OR2A12: variants seen among roughly 807,000 people sequenced by gnomAD.
The protein encoded by OR2A12 is olfactory receptor family 2 subfamily A member 12, also known as olfactory receptor 2A12.
For missense variants in OR2A12, 380 were observed against 372.5 expected, an observed-to-expected ratio of 1.02 and a Z score of -0.17; for synonymous variants, 153 against 149.3, an observed-to-expected ratio of 1.02 and a Z score of -0.18.
rs201053145 is a variant in OR2A12 at position 144,095,101 on chromosome 7, C to T, written c.-7C>T. The stretch of plus-strand genomic sequence containing the variant: ...AGTACATCACAAGATTTTTCTGTCA[C>T]GAGAACATGGAAAGCAATCAGACCT... On this transcript the variant is annotated 5_prime_UTR_variant, in exon 2 of 2. In the 5' UTR this introduces an upstream ATG that the reference lacks. Transcript: ENST00000641592. 4.7e-4 allele frequency: 740 copies of T among 1,575,324 alleles called. No homozygotes were observed. The highest frequency in any genetic ancestry group is 6.2e-4 in the Admixed American group (33 of 53,500).
chr7:144,088,900 G>T (rs573819458), intron 1 of OR2A12, among the ~76,000 whole-genome samples: 13 of 151,808 alleles, frequency 8.6e-5, no homozygotes, highest in African/African-American at 3.1e-4. Context: ...CTTCTTCTTC[G>T]AAGAACACCA....
chr7:144,095,185 C>A lies in OR2A12; in HGVS notation c.78C>A (p.Leu26=). Residue 26 remains leucine, a synonymous_variant, in exon 2 of 2, where the codon CTC becomes CTA. Coordinates refer to ENST00000641592, the MANE Select transcript of OR2A12 (RefSeq NM_001004135.2). The part of the protein sequence containing the change: ...FQVDPALELF[L]FGFFLLFYSL... The stretch of plus-strand genomic sequence containing the variant: ...TGGACCCAGCTCTGGAGTTGTTCCT[C>A]TTTGGGTTTTTCTTGCTATTCTACA... 2 of 1,613,910 alleles carry A rather than the reference C, an allele frequency of 1.2e-6. No individual in the cohort carries two copies. The highest frequency in any genetic ancestry group is 4.5e-5 in the East Asian group (2 of 44,882).
At position 144,094,356 on chromosome 7, in the gene OR2A12, G is replaced by GC. The variant is rs2051247116; in HGVS notation, c.-51-701_-51-700insC. On this transcript the variant is annotated intron_variant, in intron 1 of 1. Transcript: ENST00000641592. ...CACTTTATCCAGCAAGCCAATAGTTGTTTTAAAACTTCTTTCATGGCCCCA... is the reference window on the plus strand; with the variant it reads ...CACTTTATCCAGCAAGCCAATAGTTGCTTTTAAAACTTCTTTCATGGCCCCA... Among the ~76,000 whole-genome samples the GC allele has an allele frequency of 2.0e-5, 3 of 152,210 alleles. No individual in the cohort carries two copies. The South Asian group carries it at 6.2e-4, about 32-fold the overall frequency.
At chr7:144,094,659 T>C (rs1045571662) in intron 1 of OR2A12, among the ~76,000 whole-genome samples, 2 of 152,202 alleles carry the variant, frequency 1.3e-5, no homozygotes, top group African/African-American at 4.8e-5. Flanking sequence ...TATGTAAATA[T>C]GTCATCAGTA....
intron 1 of OR2A12, among the ~76,000 whole-genome samples, chr7:144,091,216 C>A (rs962782409): frequency 2.6e-5 from 4 of 152,150 alleles, no homozygotes; most frequent in African/African-American, 9.7e-5. Flanking sequence ...CATGGTGAAA[C>A]CCTGTTTCTA....
chr7:144,088,274 A>T (rs2051201035), intron 1 of OR2A12, among the ~76,000 whole-genome samples: 1 of 152,188 alleles, frequency 6.6e-6, no homozygotes, highest in African/African-American at 2.4e-5. Flanking sequence ...GGCCTCCCAA[A>T]GTGCTGGGAT....
rs1563042967 is a variant in OR2A12, at chr7:144,095,775, C to T, written c.668C>T (p.Ala223Val). The T allele has an allele frequency of 1.2e-6, 2 of 1,614,104 alleles. No homozygotes were observed. Among genetic ancestry groups the T allele is most frequent in the Non-Finnish European group, 1.7e-6 (2 of 1,180,018 alleles). The stretch of plus-strand genomic sequence containing the variant: ...GTCTCCTACTTGCACATCCTGGTGG[C>T]CATCTTGAGGATCCAGTCTGGGGAG... ...VLVSYLHILVAILRIQSGEGR... is the reference protein window; with the variant it reads ...VLVSYLHILVVILRIQSGEGR... The change falls in exon 2 of 2, where the codon GCC becomes GTC. Residue 223 changes from alanine (A) to valine (V), a missense_variant. By Grantham distance (64) the Ala-to-Val change is moderately conservative. Transcript: ENST00000641592.
In OR2A12 at chr7:144,098,942, CTT is replaced by C. The variant is rs1209745656; in HGVS notation, c.*2904_*2905del. On this transcript the variant is annotated 3_prime_UTR_variant, in exon 2 of 2. Transcript: ENST00000641592. ...TTCTTTCCTTCCTTCCTTCCTTTCT[CTT>C]TCTCTTCCTTCCTTCCTTTCTTTCT... The C allele has an allele frequency of 3.3e-5, 5 of 150,666 alleles. No individual in the cohort carries two copies. Among genetic ancestry groups the C allele is most frequent in the African/African-American group, 1.2e-4 (5 of 40,876 alleles). The allele number at this position is 150,666 out of a possible 1,614,324, so 9.3% of individuals were successfully genotyped here. A position where few individuals can be genotyped will look rare whatever the true frequency, so the allele number is the denominator to read the frequency against.
chr7:144,089,195 T>A (rs1017292211), intron 1 of OR2A12, among the ~76,000 whole-genome samples: 2 of 152,188 alleles, frequency 1.3e-5, no homozygotes, highest in Non-Finnish European at 2.9e-5. Context: ...TTCTTTTCAT[T>A]ATTATTGTAT....
intron 1 of OR2A12, among the ~76,000 whole-genome samples, chr7:144,089,440 T>C (rs1053685797): frequency 2.0e-5 from 3 of 152,140 alleles, no homozygotes; most frequent in African/African-American, 7.2e-5. Flanking sequence ...AACTCGATTT[T>C]CTGTTTTCAA....
intron 1 of OR2A12, among the ~76,000 whole-genome samples, chr7:144,087,680 G>A (rs908949117): frequency 2.6e-5 from 4 of 152,222 alleles, no homozygotes; most frequent in Non-Finnish European, 5.9e-5. Flanking sequence ...TTAAAATAAT[G>A]TGTTTTCTTA....
intron 1 of OR2A12, among the ~76,000 whole-genome samples, chr7:144,092,631 T>C (rs904573206): frequency 2.0e-5 from 3 of 152,188 alleles, no homozygotes; most frequent in African/African-American, 7.2e-5. Flanking sequence ...GATTTGGCTC[T>C]TGGCTTGACT....
At chr7:144,087,803 AC>A (rs1181228802) in intron 1 of OR2A12, among the ~76,000 whole-genome samples, 1 of 152,092 alleles carries the variant, frequency 6.6e-6, no homozygotes, top group Non-Finnish European at 1.5e-5. Flanking sequence ...TCAAAAACAT[AC>A]CCCTAGCTTG....
chr7:144,089,808 A>T (rs1220585306), intron 1 of OR2A12, among the ~76,000 whole-genome samples: 1 of 152,136 alleles, frequency 6.6e-6, no homozygotes, highest in Non-Finnish European at 1.5e-5. Flanking sequence ...TATTTCCAAA[A>T]GATTTAATTT....
rs555757171 is a variant in OR2A12 at position 144,097,813 on chromosome 7, T to C, written c.*1773T>C. The C allele has an allele frequency of 1.3e-5, 2 of 152,326 alleles. No homozygotes were observed. Among genetic ancestry groups the C allele is most frequent in the South Asian group, 4.1e-4 (2 of 4,832 alleles). 9.4% of individuals were successfully genotyped at this position (152,326 alleles called of 1,614,324 possible). A position where few individuals can be genotyped will look rare whatever the true frequency, so the allele number is the denominator to read the frequency against. ...AGTCTTTATAAAGATATTCAAATCATGCAGAAAATTCAACTTCTGGTGTAT... is the reference window on the plus strand; with the variant it reads ...AGTCTTTATAAAGATATTCAAATCACGCAGAAAATTCAACTTCTGGTGTAT... On this transcript the variant is annotated 3_prime_UTR_variant, in exon 2 of 2. Coordinates refer to ENST00000641592, the MANE Select transcript of OR2A12 (RefSeq NM_001004135.2).
Position 144,097,434 on chromosome 7 carries a change from AATTG to A in OR2A12, c.*1398_*1401del, listed in dbSNP as rs1427163109. ...ATATTACAAAGATTCAATCTCCTTA[AATTG>A]ATTATTAGATTTAATACAATCCCAA... On this transcript the variant is annotated 3_prime_UTR_variant, in exon 2 of 2. Coordinates refer to ENST00000641592, the MANE Select transcript of OR2A12 (RefSeq NM_001004135.2). 4 of 152,148 alleles carry A rather than the reference AATTG, an allele frequency of 2.6e-5. No individual in the cohort carries two copies. The highest frequency in any genetic ancestry group is 4.8e-5 in the African/African-American group (2 of 41,442). The allele number at this position is 152,148 out of a possible 1,614,324, so 9.4% of individuals were successfully genotyped here. A position where few individuals can be genotyped will look rare whatever the true frequency, so the allele number is the denominator to read the frequency against.
intron 1 of OR2A12, among the ~76,000 whole-genome samples, chr7:144,088,335 C>A (rs2051201639): frequency 6.6e-6 from 1 of 152,110 alleles, no homozygotes; most frequent in Admixed American, 6.5e-5. Flanking sequence ...TTTGAGTTAA[C>A]CACTCTGTGT....
rs555497562 is a variant in OR2A12 at position 144,096,308 on chromosome 7, A to G, written c.*268A>G. On this transcript the variant is annotated 3_prime_UTR_variant, in exon 2 of 2. Transcript: ENST00000641592. ...TGTCTCTATTAAAAATACAAAAATT[A>G]GCCGGGCGTGCTGGTGGGCGCCTGT... 24 of 230,412 alleles carry G rather than the reference A, an allele frequency of 1.0e-4. No individual in the cohort carries two copies. The highest frequency in any genetic ancestry group is 5.3e-4 in the African/African-American group (23 of 43,468). 14.3% of individuals were successfully genotyped at this position (230,412 alleles called of 1,614,324 possible).
At chr7:144,088,609 C>T (rs1472874410) in intron 1 of OR2A12, among the ~76,000 whole-genome samples, 1 of 152,194 alleles carries the variant, frequency 6.6e-6, no homozygotes, top group Non-Finnish European at 1.5e-5. Flanking sequence ...CTTTACAAAA[C>T]TTCCAATCTA....
Sources: allele counts gnomAD v4.1 joint callset (sites outside exome capture counted in the v4.1 genomes callset), GRCh38; gene constraint gnomAD v4.1.1; transcripts MANE v1.5; gene names NCBI Gene and HGNC (gene_info 2026-07-23, HGNC 2026-07-21).